TDRP: variants seen among roughly 807,000 people sequenced by gnomAD.
The protein encoded by TDRP is testis development related protein.
In TDRP, 12 loss-of-function variants were observed where a neutral mutation model predicts 10.5. The observed-to-expected ratio is 1.15, with a 90% confidence interval of 0.73 to 1.86. The LOEUF is 1.86. Among genes scored for constraint, TDRP ranks in the 40% most tolerant of loss-of-function variants. The pLI is 0.00. For synonymous variants in TDRP, 139 were observed against 95.4 expected (o/e 1.46, Z -2.67); for missense variants, 353 against 229.2 (o/e 1.54, Z -3.49).
At chr8:529,596 T>C (rs1442904880) in intron 1 of TDRP, among the ~76,000 whole-genome samples, 1 of 152,150 alleles carries the variant, frequency 6.6e-6, no homozygotes, top group Non-Finnish European at 1.5e-5. Context: ...TGGGAAGGTC[T>C]TTATTTGTTC....
At chr8:532,596 A>G (rs1304620685) in intron 1 of TDRP, among the ~76,000 whole-genome samples, 4 of 152,252 alleles carry the variant, frequency 2.6e-5, no homozygotes, top group Non-Finnish European at 5.9e-5. Context: ...ATACAAATGC[A>G]CACTTGCTAA....
intron 1 of TDRP, among the ~76,000 whole-genome samples, chr8:523,927 G>A (rs1490102758): frequency 6.6e-6 from 1 of 152,146 alleles, no homozygotes; most frequent in Admixed American, 6.5e-5. Flanking sequence ...CCTGCTGATT[G>A]TAGAGCCCTA....
chr8:500,414 T>C (rs1801258324), intron 1 of TDRP, among the ~76,000 whole-genome samples: 2 of 152,160 alleles, frequency 1.3e-5, no homozygotes, highest in Admixed American at 1.3e-4. Context: ...GTCCAGATCC[T>C]GTCCATGAGC....
chr8:499,724 G>A (rs552928295), intron 1 of TDRP, among the ~76,000 whole-genome samples: 3 of 152,338 alleles, frequency 2.0e-5, no homozygotes, highest in African/African-American at 7.2e-5. Flanking sequence ...TTCACCTGAA[G>A]TCTCCCACAT....
chr8:542,479 CT>C (rs1420261724), intron 1 of TDRP, among the ~76,000 whole-genome samples: 24 of 152,122 alleles, frequency 1.6e-4, no homozygotes, highest in African/African-American at 5.6e-4. Context: ...TCTGTACTTT[CT>C]CCTCAAATTT....
chr8:537,357 A>C lies in TDRP; in HGVS notation c.108+7293T>G, dbSNP rs557219030. Among the ~76,000 whole-genome samples the C allele has an allele frequency of 8.7e-4, 133 of 152,362 alleles. 1 individual carries two copies. In the Middle Eastern group the frequency reaches 0.01, roughly 12 times the overall value. On this transcript the variant is annotated intron_variant, in intron 1 of 2. Coordinates refer to ENST00000324079, the MANE Select transcript of TDRP (RefSeq NM_001384899.1). ...CTGCCTGCACCACACCCCACTGTCC[A>C]CATCAACTCGGGCAATGAGCACATT...
intron 1 of TDRP, among the ~76,000 whole-genome samples, chr8:536,086 A>T (rs1384371612): frequency 2.0e-5 from 3 of 152,228 alleles, no homozygotes; most frequent in Non-Finnish European, 4.4e-5. Flanking sequence ...AGGAATAAAA[A>T]TTTCAACCTA....
intron 1 of TDRP, among the ~76,000 whole-genome samples, chr8:517,028 T>TTG (rs1801774565): frequency 6.6e-6 from 1 of 152,190 alleles, no homozygotes; most frequent in Non-Finnish European, 1.5e-5. Flanking sequence ...GACTCTGCTC[T>TTG]TGGAGGAACC....
chr8:499,313 TA>T (rs757974304), intron 1 of TDRP, among the ~76,000 whole-genome samples: 9 of 152,300 alleles, frequency 5.9e-5, no homozygotes, highest in Non-Finnish European at 8.8e-5. Context: ...AAGAATGCCT[TA>T]ATCTCCCATT....
Position 492,324 on chromosome 8 carries a change from G to A in TDRP, c.*75C>T, listed in dbSNP as rs779642900. 7.6e-5 allele frequency: 105 copies of A among 1,384,058 alleles called. 1 individual carries two copies. Among genetic ancestry groups the A allele is most frequent in the African/African-American group, 2.9e-4 (20 of 68,370 alleles). 85.7% of individuals were successfully genotyped at this position (1,384,058 alleles called of 1,614,324 possible). ...GTAGACTCTCTATTCTTTCTAACGC[G>A]GAAAAGACTCAACAACTACATGGTA... On this transcript the variant is annotated 3_prime_UTR_variant, in exon 3 of 3. Transcript: ENST00000324079.
chr8:545,309 C>T (rs1281965229), upstream of TDRP, among the ~76,000 whole-genome samples: 4 of 132,196 alleles, frequency 3.0e-5, no homozygotes, highest in African/African-American at 1.2e-4. Context: ...TGAGCCCCCA[C>T]CGAGCCCCTA....
rs747876547 is a variant in TDRP at position 492,392 on chromosome 8, G to GCCC, written c.*4_*6dup. 4.6e-6 allele frequency: 7 copies of GCCC among 1,509,172 alleles called. No individual in the cohort carries two copies. The highest frequency in any genetic ancestry group is 4.3e-5 in the Admixed American group (2 of 47,056). The allele number at this position is 1,509,172 out of a possible 1,614,324, so 93.5% of individuals were successfully genotyped here. ...CATGTCGGGGCACACTTGCCACGCA[G>GCCC]CCCCCCTCACTCCGCCTCCTCCGGG... is the stretch of plus-strand genomic sequence containing the variant. On this transcript the variant is annotated 3_prime_UTR_variant, in exon 3 of 3. Transcript: ENST00000324079.
intron 1 of TDRP, among the ~76,000 whole-genome samples, chr8:496,709 G>A (rs1801145914): frequency 6.6e-6 from 1 of 152,166 alleles, no homozygotes; most frequent in African/African-American, 2.4e-5. Context: ...CTAAAGGTGT[G>A]ATACGGTGTG....
chr8:510,622 A>G (rs1801590936), intron 1 of TDRP, among the ~76,000 whole-genome samples: 1 of 152,336 alleles, frequency 6.6e-6, no homozygotes, highest in African/African-American at 2.4e-5. Flanking sequence ...TCAACCAAAA[A>G]TCCTATATCC....
At chr8:509,103 C>G (rs1468826359) in intron 1 of TDRP, among the ~76,000 whole-genome samples, 1 of 152,252 alleles carries the variant, frequency 6.6e-6, no homozygotes, top group African/African-American at 2.4e-5. Flanking sequence ...TGGGCAGCTC[C>G]ACCCCTGTGG....
At chr8:506,558 C>T (rs1056147734) in intron 1 of TDRP, among the ~76,000 whole-genome samples, 2 of 152,230 alleles carry the variant, frequency 1.3e-5, no homozygotes, top group Admixed American at 6.5e-5. Context: ...TGCTGCACTG[C>T]AAACAGTGGA....
rs939212492 is a variant in TDRP, at chr8:525,395, G to A, written c.108+19255C>T. On this transcript the variant is annotated intron_variant, in intron 1 of 2. Transcript: ENST00000324079. ...GTACAAAACTTACTGGTAATACTAA[G>A]TACATAGAAAAACAGAATATTATAA... 1.1e-4 allele frequency among the ~76,000 whole-genome samples: 16 copies of A among 152,030 alleles called. 1 individual carries two copies. The highest frequency in any genetic ancestry group is 3.6e-4 in the African/African-American group (15 of 41,390).
At chr8:522,590 T>C (rs1481584563) in intron 1 of TDRP, among the ~76,000 whole-genome samples, 1 of 152,232 alleles carries the variant, frequency 6.6e-6, no homozygotes, top group African/African-American at 2.4e-5. Flanking sequence ...GTTTCTCGCT[T>C]CTGTAATATG....
chr8:543,810 G>A (rs1802561964), intron 1 of TDRP, among the ~76,000 whole-genome samples: 1 of 151,996 alleles, frequency 6.6e-6, no homozygotes, highest in African/African-American at 2.4e-5. Flanking sequence ...GGCCTTAACA[G>A]CATCAGGAGG....
Sources: allele counts gnomAD v4.1 joint callset (sites outside exome capture counted in the v4.1 genomes callset), GRCh38; gene constraint gnomAD v4.1.1; transcripts MANE v1.5; gene names NCBI Gene and HGNC (gene_info 2026-07-23, HGNC 2026-07-21).